Variants in PCDH7 observed in about 807,000 individuals in gnomAD.
The protein encoded by PCDH7 is protocadherin-7.
Under a neutral mutation model 58.9 loss-of-function variants are expected in PCDH7, and 17 were observed. The ratio of observed to expected loss-of-function variants is 0.29; its 90% confidence interval spans 0.20 to 0.43. PCDH7 has a LOEUF of 0.43. Among genes scored for constraint, PCDH7 ranks in the 20% least tolerant of loss-of-function variants. PCDH7 has a pLI of 1.00. For synonymous variants in PCDH7, 664 were observed against 616.4 expected (o/e 1.08, Z -1.14); for missense variants, 1,274 against 1,441.0 (o/e 0.88, Z 1.88).
intron 1 of PCDH7, among the ~76,000 whole-genome samples, chr4:30,844,438 C>T (rs1731649129): frequency 6.6e-6 from 1 of 152,128 alleles, no homozygotes; most frequent in Admixed American, 6.6e-5. Flanking sequence ...AGTCAATCCT[C>T]TGTGAACTCT....
intron 3 of PCDH7, among the ~76,000 whole-genome samples, chr4:31,037,174 T>C (rs1410238177): frequency 6.6e-6 from 1 of 152,190 alleles, no homozygotes; most frequent in Non-Finnish European, 1.5e-5. Flanking sequence ...AATTGTCTCA[T>C]GTTATTTTCT....
intron 3 of PCDH7, among the ~76,000 whole-genome samples, chr4:31,019,521 C>T (rs530435583): frequency 1.3e-5 from 2 of 151,816 alleles, no homozygotes; most frequent in African/African-American, 2.4e-5. Context: ...ATGGTAAAAC[C>T]CCGTCTCTAC....
intron 1 of PCDH7, among the ~76,000 whole-genome samples, chr4:30,774,708 C>T (rs916881299): frequency 1.3e-5 from 2 of 152,124 alleles, no homozygotes; most frequent in Non-Finnish European, 2.9e-5. Flanking sequence ...GTACAATATA[C>T]AGTTTATGAC....
At chr4:31,061,760 T>C (rs1401332617) in intron 3 of PCDH7, among the ~76,000 whole-genome samples, 1 of 151,784 alleles carries the variant, frequency 6.6e-6, no homozygotes, top group Middle Eastern at 3.4e-3. Flanking sequence ...AGTATGGAGA[T>C]TGAAAGTGAA....
At chr4:30,896,133 A>G (rs2109389353) in intron 1 of PCDH7, among the ~76,000 whole-genome samples, 1 of 152,132 alleles carries the variant, frequency 6.6e-6, no homozygotes, top group South Asian at 2.1e-4. Flanking sequence ...TTTTCCTTTC[A>G]CTTTCTAATG....
At chr4:30,993,670 A>C (rs1751638611) in intron 3 of PCDH7, among the ~76,000 whole-genome samples, 2 of 152,238 alleles carry the variant, frequency 1.3e-5, no homozygotes, top group South Asian at 4.1e-4. Context: ...AAAAATGTAG[A>C]AGTTTTATTT....
intron 1 of PCDH7, among the ~76,000 whole-genome samples, chr4:30,813,140 G>A (rs1727226479): frequency 6.6e-6 from 1 of 152,146 alleles, no homozygotes; most frequent in Non-Finnish European, 1.5e-5. Flanking sequence ...CAGAACTAAA[G>A]AATACCAGCC....
Position 30,980,042 on chromosome 4 carries a change from T to C in PCDH7, c.*7+29827T>C, listed in dbSNP as rs1578477524. ...ACAACTGTACCCTAGGTGCTTTCCC[T>C]TTGTTATACTGTTAGACTAGCAACG... On this transcript the variant is annotated intron_variant, in intron 3 of 3. Coordinates refer to the PCDH7 transcript ENST00000509759. Among the ~76,000 whole-genome samples the C allele has an allele frequency of 2.6e-5, 4 of 152,196 alleles. No homozygotes were observed. The East Asian group carries it at 7.7e-4, about 29-fold the overall frequency.
At chr4:31,113,053 C>T (rs546380027) in intron 3 of PCDH7, among the ~76,000 whole-genome samples, 1 of 151,892 alleles carries the variant, frequency 6.6e-6, no homozygotes, top group Non-Finnish European at 1.5e-5. Flanking sequence ...TTTTTTTAAG[C>T]AAGCAGGTCT....
intron 3 of PCDH7, among the ~76,000 whole-genome samples, chr4:30,960,465 C>G (rs1055454985): frequency 1.3e-5 from 2 of 152,102 alleles, no homozygotes; most frequent in Non-Finnish European, 2.9e-5. Flanking sequence ...GGTGGAATTC[C>G]TTTGGCATAG....
At chr4:30,970,260 C>G (rs1749435180) in intron 3 of PCDH7, among the ~76,000 whole-genome samples, 1 of 151,334 alleles carries the variant, frequency 6.6e-6, no homozygotes, top group African/African-American at 2.4e-5. Flanking sequence ...TTGCTTTCTT[C>G]CTGGCACAAA....
At chr4:30,749,789 A>C (rs1339494233) in intron 1 of PCDH7, among the ~76,000 whole-genome samples, 1 of 152,154 alleles carries the variant, frequency 6.6e-6, no homozygotes, top group Admixed American at 6.6e-5. Flanking sequence ...TAGTTTAATA[A>C]TGTTTATAAG....
At chr4:31,028,898 C>T (rs1754666372) in intron 3 of PCDH7, among the ~76,000 whole-genome samples, 1 of 152,030 alleles carries the variant, frequency 6.6e-6, no homozygotes, top group African/African-American at 2.4e-5. Flanking sequence ...AAGCGATTAT[C>T]CCAGTAATGA....
chr4:30,767,453 A>G (rs1215623902), intron 1 of PCDH7, among the ~76,000 whole-genome samples: 1 of 152,200 alleles, frequency 6.6e-6, no homozygotes, highest in East Asian at 1.9e-4. Context: ...CCTCTGAGAA[A>G]TTAATGAAGG....
chr4:31,088,153 G>A (rs1448395340), intron 3 of PCDH7, among the ~76,000 whole-genome samples: 1 of 152,000 alleles, frequency 6.6e-6, no homozygotes, highest in African/African-American at 2.4e-5. Flanking sequence ...CCTTTTGAAT[G>A]TGTGTTTTTA....
intron 3 of PCDH7, among the ~76,000 whole-genome samples, chr4:30,990,017 TGACAAATACA>T (rs1380940041): frequency 1.3e-5 from 2 of 152,118 alleles, no homozygotes; most frequent in East Asian, 3.9e-4. Context: ...GTTAGAATGT[TGACAAATACA>T]GACTAATAGA....
At chr4:31,129,790 A>C (rs1718750060) in intron 3 of PCDH7, among the ~76,000 whole-genome samples, 1 of 151,956 alleles carries the variant, frequency 6.6e-6, no homozygotes, top group Non-Finnish European at 1.5e-5. Flanking sequence ...CACCACACCC[A>C]GATAAATTTT....
At chr4:30,724,266 C>T (rs148916101) in exon 1 of PCDH7, 6 of 1,613,554 alleles carry the variant, frequency 3.7e-6, no homozygotes, top group Non-Finnish European at 4.2e-6. Flanking sequence ...AGCCTCTCTA[C>T]AGCAGCATTG....
intron 1 of PCDH7, among the ~76,000 whole-genome samples, chr4:30,806,129 T>C (rs1395071517): frequency 6.6e-6 from 1 of 152,120 alleles, no homozygotes; most frequent in African/African-American, 2.4e-5. Flanking sequence ...GTATGTCCTT[T>C]CATTATTTAA....
Sources: gnomAD v4.1 joint callset for allele counts (sites outside exome capture counted in the v4.1 genomes callset) on GRCh38, gnomAD v4.1.1 for gene constraint, MANE v1.5 for transcripts, NCBI Gene and HGNC (gene_info 2026-07-23, HGNC 2026-07-21) for gene names.